DGKI: variants seen among roughly 807,000 people sequenced by gnomAD.
DGKI encodes the protein diacylglycerol kinase iota.
Under a neutral mutation model 147.5 loss-of-function variants are expected in DGKI, and 55 were observed. The ratio of observed to expected loss-of-function variants is 0.37; its 90% CI spans 0.30 to 0.47. The LOEUF (loss-of-function observed/expected upper bound fraction) is 0.47, where lower values mean the gene tolerates loss of function less well. Ranked by LOEUF, DGKI falls within the 20% of genes least tolerant of loss-of-function variation. DGKI has a pLI of 1.00. For synonymous variants in DGKI, 469 were observed against 477.1 expected (o/e 0.98, Z 0.22); for missense variants, 1,007 against 1,323.8 (o/e 0.76, Z 3.71).
chr7:137,799,805 G>A (rs115876118), intron 1 of DGKI, among the ~76,000 whole-genome samples: 168 of 152,310 alleles, frequency 1.1e-3, no homozygotes, highest in African/African-American at 3.9e-3. Flanking sequence ...GATATTGTTT[G>A]CTGTCCCATT....
chr7:137,682,260 A>C (rs1218684847), intron 2 of DGKI, among the ~76,000 whole-genome samples: 1 of 152,156 alleles, frequency 6.6e-6, no homozygotes, highest in East Asian at 1.9e-4. Context: ...AATGCAGTAG[A>C]CAAATGAACT....
chr7:137,391,729 A>G (rs919840295), intron 32 of DGKI, among the ~76,000 whole-genome samples: 5 of 152,202 alleles, frequency 3.3e-5, no homozygotes, highest in African/African-American at 1.2e-4. Context: ...AATTTAAAAA[A>G]TAGGGAGGCA....
chr7:137,604,042 A>G (rs1820087650), intron 10 of DGKI, among the ~76,000 whole-genome samples: 1 of 152,116 alleles, frequency 6.6e-6, no homozygotes, highest in South Asian at 2.1e-4. Context: ...AAGGAACCAG[A>G]CCTATCACAG....
chr7:137,822,209 C>G (rs1251197623), intron 1 of DGKI, among the ~76,000 whole-genome samples: 2 of 152,126 alleles, frequency 1.3e-5, no homozygotes. Context: ...GAGTTCGAGA[C>G]CAGCCTGGCC....
At chr7:137,552,299 C>T in intron 20 of DGKI, 70 bp downstream of exon 20, 2 of 1,547,472 alleles carry the variant, frequency 1.3e-6, no homozygotes, top group Non-Finnish European at 1.8e-6. Context: ...GTCCCCAGAC[C>T]ATGCACATGC....
chr7:137,555,929 A>C (rs1165159977), intron 19 of DGKI, among the ~76,000 whole-genome samples: 1 of 151,624 alleles, frequency 6.6e-6, no homozygotes, highest in Non-Finnish European at 1.5e-5. Context: ...AAAACAAAAA[A>C]TTTTATCCTA....
chr7:137,593,758 ATATAT>A (rs1221891129), intron 12 of DGKI, among the ~76,000 whole-genome samples: 4 of 152,248 alleles, frequency 2.6e-5, no homozygotes, highest in Admixed American at 6.5e-5. Flanking sequence ...GATAAATAAA[ATATAT>A]TATAAACTAA....
chr7:137,486,448 T>C (rs950358983), intron 22 of DGKI, among the ~76,000 whole-genome samples: 2 of 152,116 alleles, frequency 1.3e-5, no homozygotes, highest in African/African-American at 4.8e-5. Flanking sequence ...ACAAACATTA[T>C]TTTGGGAAAT....
chr7:137,541,661 G>T (rs1202103344), intron 20 of DGKI, among the ~76,000 whole-genome samples: 5 of 152,104 alleles, frequency 3.3e-5, no homozygotes, highest in African/African-American at 1.2e-4. Context: ...AATAGGAAAA[G>T]ATAATTTTTT....
chr7:137,485,470 G>A (rs113405273), intron 22 of DGKI, 52 bp from the exon 23 acceptor site: 1 of 1,420,674 alleles, frequency 7.0e-7, no homozygotes. Flanking sequence ...GTTTGAACAA[G>A]CTGCCCCACA....
At chr7:137,456,128 A>G (rs1814196523) in intron 27 of DGKI, among the ~76,000 whole-genome samples, 1 of 152,076 alleles carries the variant, frequency 6.6e-6, no homozygotes, top group African/African-American at 2.4e-5. Flanking sequence ...AGTGCCTACA[A>G]CTTCCTATAC....
Position 137,650,699 on chromosome 7 carries a change from T to C in DGKI, c.738+4033A>G, listed in dbSNP as rs75726844. Among the ~76,000 whole-genome samples, 277 of 152,318 alleles carry C rather than the reference T, an allele frequency of 1.8e-3. 1 individual carries two copies. Among genetic ancestry groups the C allele is most frequent in the East Asian group, 6.2e-3 (32 of 5,182 alleles). On this transcript the variant is annotated intron_variant, in intron 5 of 32. Coordinates refer to ENST00000614521, the MANE Select transcript of DGKI (RefSeq NM_001321708.2). ...ACCCCAAAGATGGCCCTCACTAGAA[T>C]TGGACCACGCTGGTACATTGATCTT...
chr7:137,453,149 G>A (rs1429007361), intron 27 of DGKI: 2 of 152,198 alleles, frequency 1.3e-5, no homozygotes, highest in East Asian at 3.8e-4. Context: ...ACTGTTGGTA[G>A]ACAAGAATCT....
At chr7:137,672,840 G>T (rs999856017) in intron 3 of DGKI, among the ~76,000 whole-genome samples, 1 of 144,614 alleles carries the variant, frequency 6.9e-6, no homozygotes, top group African/African-American at 2.7e-5. Flanking sequence ...GAGTGCAATG[G>T]CACGATCTCG....
chr7:137,626,322 G>GACACACACACACAC (rs111591226), intron 6 of DGKI, among the ~76,000 whole-genome samples: 1 of 139,048 alleles, frequency 7.2e-6, no homozygotes, highest in Non-Finnish European at 1.6e-5. Context: ...AAGTGCTTCT[G>GACACACACACACAC]ACACACACAC....
intron 1 of DGKI, among the ~76,000 whole-genome samples, chr7:137,845,085 A>G (rs1233938912): frequency 2.6e-5 from 4 of 152,252 alleles, no homozygotes; most frequent in African/African-American, 9.6e-5. Context: ...TTTGGACCTG[A>G]TCTGTGTGAG....
At chr7:137,832,526 G>A (rs1798248047) in intron 1 of DGKI, among the ~76,000 whole-genome samples, 3 of 152,330 alleles carry the variant, frequency 2.0e-5, no homozygotes, top group South Asian at 4.1e-4. Flanking sequence ...AGTGGCTGGG[G>A]CACAAGACAC....
At chr7:137,556,836 T>C (rs1818240135) in intron 19 of DGKI, among the ~76,000 whole-genome samples, 1 of 152,202 alleles carries the variant, frequency 6.6e-6, no homozygotes, top group East Asian at 1.9e-4. Flanking sequence ...CATGTCAACT[T>C]ACCTAAGCCA....
chr7:137,393,161 A>T (rs1351241104), intron 32 of DGKI, among the ~76,000 whole-genome samples: 1 of 152,132 alleles, frequency 6.6e-6, no homozygotes, highest in Non-Finnish European at 1.5e-5. Flanking sequence ...TTTTTGGAGC[A>T]TATCTTCCTA....
Sources: gnomAD v4.1 joint callset for allele counts (sites outside exome capture counted in the v4.1 genomes callset) on GRCh38, gnomAD v4.1.1 for gene constraint, MANE v1.5 for transcripts, NCBI Gene and HGNC (gene_info 2026-07-23, HGNC 2026-07-21) for gene names.